Variants in SLC38A8 observed in about 807,000 individuals in gnomAD.
SLC38A8 encodes solute carrier family 38 member 8.
SLC38A8 carries 65 observed loss-of-function variants against 46.0 expected under a neutral mutation model. The observed-to-expected ratio is 1.41, with a 90% CI of 1.16 to 1.74. The LOEUF (loss-of-function observed/expected upper bound fraction) is 1.74. Among genes scored for constraint, SLC38A8 ranks in the 40% most tolerant of loss-of-function variants. The probability of loss-of-function intolerance (pLI) is 0.00; values close to 1 mark genes in which losing one functional copy is unlikely to be tolerated. For missense variants in SLC38A8, 998 were observed against 567.9 expected (o/e 1.76, Z -7.70); for synonymous variants, 447 against 243.7 (o/e 1.83, Z -7.77).
intron 5 of SLC38A8, among the ~76,000 whole-genome samples, chr16:84,030,163 C>G (rs1237977213): frequency 2.0e-5 from 3 of 152,046 alleles, no homozygotes; most frequent in Non-Finnish European, 4.4e-5. Context: ...GGATGAAGGC[C>G]AAGACCCAGT....
At chr16:84,025,169 G>C (rs533581010) in intron 6 of SLC38A8, among the ~76,000 whole-genome samples, 52 of 150,454 alleles carry the variant, frequency 3.5e-4, no homozygotes, top group Middle Eastern at 3.4e-3. Flanking sequence ...TGCTTTTTCC[G>C]GACACACTGG....
At chr16:84,040,751 CCATGT>C (rs1258702955) in intron 2 of SLC38A8, among the ~76,000 whole-genome samples, 1 of 152,220 alleles carries the variant, frequency 6.6e-6, no homozygotes, top group Non-Finnish European at 1.5e-5. Context: ...TCCGACCACG[CCATGT>C]CATATCATCC....
chr16:84,025,077 T>A (rs1252308004), intron 6 of SLC38A8, among the ~76,000 whole-genome samples: 1 of 152,098 alleles, frequency 6.6e-6, no homozygotes, highest in Non-Finnish European at 1.5e-5. Context: ...CATTGGTGAT[T>A]CACGAACAGC....
At chr16:84,043,273 T>A (rs1414111445), upstream of SLC38A8, among the ~76,000 whole-genome samples, 1 of 152,136 alleles carries the variant, frequency 6.6e-6, no homozygotes, top group African/African-American at 2.4e-5. Flanking sequence ...CGGGGTCAGC[T>A]AAGGGGACAG....
At chr16:84,011,667 T>G (rs968355893) in intron 10 of SLC38A8, among the ~76,000 whole-genome samples, 1 of 152,176 alleles carries the variant, frequency 6.6e-6, no homozygotes, top group African/African-American at 2.4e-5. Context: ...GAAAAGATCT[T>G]GAGAGAAGAT....
At chr16:84,030,048 T>A (rs910795326) in intron 5 of SLC38A8, among the ~76,000 whole-genome samples, 1 of 152,168 alleles carries the variant, frequency 6.6e-6, no homozygotes, top group Non-Finnish European at 1.5e-5. Flanking sequence ...TTTGCAGGTG[T>A]AATTACTGAA....
chr16:84,032,002 G>C, intron 4 of SLC38A8, 34 bp from the exon 5 acceptor site: 1 of 1,574,892 alleles, frequency 6.3e-7, no homozygotes, highest in Middle Eastern at 1.7e-4. Context: ...GCTGCGCAGT[G>C]GGTGACATGT....
chr16:84,036,554 T>C (rs1444497324), intron 3 of SLC38A8, 148 bp downstream of exon 3: 15 of 889,070 alleles, frequency 1.7e-5, no homozygotes, highest in Non-Finnish European at 2.6e-5. Context: ...CTCCCTTCCC[T>C]ACCATGTTAG....
chr16:84,023,879 G>C (rs2085126500), intron 6 of SLC38A8, among the ~76,000 whole-genome samples: 1 of 152,204 alleles, frequency 6.6e-6, no homozygotes, highest in African/African-American at 2.4e-5. Flanking sequence ...GAAAGACACA[G>C]TGACACTGTG....
chr16:84,016,688 C>T lies in SLC38A8; in HGVS notation c.993G>A (p.Gly331=), dbSNP rs933448636. ...MQDFWRRSCL[G]GWGPSALADP... ...CGGCCAGGGCGCTGGGCCCCCATCC[C>T]CCCAAGCAGCTCCTCCTCCAGAAGT... Residue 331 remains glycine (G), a synonymous_variant, in exon 9 of 11, where the codon GGG becomes GGA. Transcript: ENST00000299709. The T allele has an allele frequency of 3.1e-6, 5 of 1,613,284 alleles. No homozygotes were observed. Among genetic ancestry groups the T allele is most frequent in the Non-Finnish European group, 4.2e-6 (5 of 1,179,986 alleles).
At position 84,010,965 on chromosome 16, in the gene SLC38A8, TA is replaced by T. The variant is rs549780785; in HGVS notation, c.1215-1089del. Among the ~76,000 whole-genome samples the T allele has an allele frequency of 3.3e-3, 503 of 152,242 alleles. 1 individual carries two copies. The highest frequency in any genetic ancestry group is 3.7e-3 in the Non-Finnish European group (255 of 68,018). ...GGCCACATTTGTGAGCTTCGTCATG[TA>T]ACCAGAGATGGGGTAGACAAGGAGG... On this transcript the variant is annotated intron_variant, in intron 10 of 10. Transcript: ENST00000299709.
In SLC38A8 at chr16:84,041,968, C is replaced by T. The variant is rs1325791118; in HGVS notation, c.189+1G>A. Reference sequence around the variant, plus strand: ...CCAGGACTCACTTCCCGGGGACTTACCAGCTCCACCAGGAAGGCAGGGACC... The same window carrying T: ...CCAGGACTCACTTCCCGGGGACTTATCAGCTCCACCAGGAAGGCAGGGACC... On this transcript the variant is annotated splice_donor_variant, in intron 2 of 10. Transcript: ENST00000299709. LOFTEE classifies it high-confidence loss of function. 2.5e-6 allele frequency: 4 copies of T among 1,584,186 alleles called. No homozygotes were observed. In the Admixed American group the frequency reaches 7.1e-5, roughly 28 times the overall value.
At chr16:84,019,265 G>A (rs747012250) in intron 7 of SLC38A8, among the ~76,000 whole-genome samples, 6 of 151,848 alleles carry the variant, frequency 4.0e-5, no homozygotes, top group South Asian at 4.2e-4. Context: ...TAGTAGAAAC[G>A]GGGTTTCACT....
At chr16:84,022,093 T>G (rs1054476091) in intron 7 of SLC38A8, among the ~76,000 whole-genome samples, 7 of 152,224 alleles carry the variant, frequency 4.6e-5, no homozygotes, top group African/African-American at 1.7e-4. Context: ...CATCAGGGAT[T>G]AAATTTCAAC....
intron 3 of SLC38A8, among the ~76,000 whole-genome samples, chr16:84,035,573 G>T (rs1209548821): frequency 6.6e-6 from 1 of 152,136 alleles, no homozygotes; most frequent in African/African-American, 2.4e-5. Context: ...CCATTCTCAG[G>T]CTGGTGTTGC....
chr16:84,035,242 G>A (rs1430129696), intron 3 of SLC38A8, among the ~76,000 whole-genome samples: 4 of 152,180 alleles, frequency 2.6e-5, no homozygotes, highest in Non-Finnish European at 5.9e-5. Context: ...CTGTGGGGGA[G>A]CAGGACGTTT....
chr16:84,023,365 G>A (rs751702182), intron 6 of SLC38A8, among the ~76,000 whole-genome samples: 16 of 152,090 alleles, frequency 1.1e-4, no homozygotes, highest in Non-Finnish European at 1.3e-4. Context: ...GGTGTGCTCT[G>A]ACCAAGAAAA....
At chr16:84,013,916 G>A (rs1348451754) in intron 9 of SLC38A8, among the ~76,000 whole-genome samples, 1 of 152,162 alleles carries the variant, frequency 6.6e-6, no homozygotes, top group African/African-American at 2.4e-5. Flanking sequence ...CCCAGACCAG[G>A]GAGTGTGAGG....
At chr16:84,042,998 C>T (rs1369355656), upstream of SLC38A8, among the ~76,000 whole-genome samples, 1 of 152,180 alleles carries the variant, frequency 6.6e-6, no homozygotes, top group East Asian at 1.9e-4. Context: ...TCACATACCT[C>T]TCCAAGGTCC....
Sources: allele counts gnomAD v4.1 joint callset (sites outside exome capture counted in the v4.1 genomes callset), GRCh38; gene constraint gnomAD v4.1.1; transcripts MANE v1.5; gene names NCBI Gene and HGNC (gene_info 2026-07-23, HGNC 2026-07-21).